NARF: variants seen among roughly 807,000 people sequenced by gnomAD.
The protein encoded by NARF is nuclear prelamin A recognition factor.
Under a neutral mutation model 48.0 loss-of-function variants are expected in NARF, and 41 were observed. The observed-to-expected ratio is 0.85, with a 90% confidence interval of 0.66 to 1.11. NARF has a LOEUF of 1.11. Among genes scored for constraint, NARF ranks in the 50% least tolerant of loss-of-function variants. The pLI, the probability that NARF is intolerant of heterozygous loss-of-function variation, is 0.00. For synonymous variants in NARF, 215 were observed against 225.5 expected, an observed-to-expected ratio of 0.95 and a Z score of 0.42; for missense variants, 613 against 590.2, an observed-to-expected ratio of 1.04 and a Z score of -0.40.
intron 5 of NARF, among the ~76,000 whole-genome samples, chr17:82,474,009 C>A (rs2043776544): frequency 6.6e-6 from 1 of 151,978 alleles, no homozygotes; most frequent in South Asian, 2.1e-4. Flanking sequence ...CATAGTGAGA[C>A]CTCGTCTCTG....
chr17:82,488,612 AT>A lies in NARF; in HGVS notation c.*456del, dbSNP rs2044150056. ...CTGGTATTGAATTCCTGACCTCCTG[AT>A]CCACCCGCCTTGGCCTCCCAAAGTG... is the stretch of plus-strand genomic sequence containing the variant. On this transcript the variant is annotated 3_prime_UTR_variant, in exon 11 of 11. Coordinates refer to ENST00000309794, the MANE Select transcript of NARF (RefSeq NM_012336.4). 6.2e-6 allele frequency: 1 copy of A among 161,642 alleles called. No homozygotes were observed. Among genetic ancestry groups the A allele is most frequent in the African/African-American group, 2.4e-5 (1 of 41,496 alleles). The allele number at this position is 161,642 out of a possible 1,614,324, so 10.0% of individuals were successfully genotyped here. A position where few individuals can be genotyped will look rare whatever the true frequency, so the allele number is the denominator to read the frequency against.
Position 82,484,852 on chromosome 17 carries a change from T to G in NARF, c.873T>G (p.Asp291Glu). 6.2e-7 allele frequency: 1 copy of G among 1,611,040 alleles called. No individual in the cohort carries two copies. Reference protein sequence around the residue: ...DLKEDKVTRHDGASSDGHLAH... With the variant: ...DLKEDKVTRHEGASSDGHLAH... ...AGGAGGACAAAGTGACGCGTCATGA[T>G]GGAGCCAGCTCAGACGGGCACCTGG... is the stretch of plus-strand genomic sequence containing the variant. Residue 291 changes from aspartate (D) to glutamate (E), a missense_variant, in exon 9 of 11, where the codon GAT (aspartate) becomes GAG (glutamate). Asp to Glu is a conservative substitution (Grantham distance 45, BLOSUM62 2). Transcript: ENST00000309794.
chr17:82,464,614 A>T (rs1464036624), intron 3 of NARF, among the ~76,000 whole-genome samples, 184 bp downstream of exon 3: 1 of 152,160 alleles, frequency 6.6e-6, no homozygotes, highest in Non-Finnish European at 1.5e-5. Flanking sequence ...ATCCCCGCAC[A>T]ATTTCCTGCT....
chr17:82,464,370 A>T lies in NARF; in HGVS notation c.192A>T (p.Glu64Asp). The T allele has an allele frequency of 6.2e-7, 1 of 1,614,142 alleles. No homozygotes were observed. Reference sequence around the variant, plus strand: ...GTGACAGCTGTATGACTGCAGAGGAAGGAGTCCAACTTTCCCAGCAAAATG... The same window carrying T: ...GTGACAGCTGTATGACTGCAGAGGATGGAGTCCAACTTTCCCAGCAAAATG... Reference protein sequence around the residue: ...LACDSCMTAEEGVQLSQQNAK... With the variant: ...LACDSCMTAEDGVQLSQQNAK... Residue 64 changes from glutamate to aspartate, a missense_variant, in exon 3 of 11, where the codon GAA (glutamate) becomes GAT (aspartate). Transcript: ENST00000309794.
chr17:82,486,214 G>A (rs532820417), intron 10 of NARF, among the ~76,000 whole-genome samples: 3 of 152,292 alleles, frequency 2.0e-5, no homozygotes, highest in African/African-American at 4.8e-5. Context: ...GCCAGGACAC[G>A]GTGGGGGTCT....
intron 10 of NARF, among the ~76,000 whole-genome samples, chr17:82,486,248 T>A (rs1002598446): frequency 3.3e-5 from 5 of 152,062 alleles, no homozygotes; most frequent in Admixed American, 2.6e-4. Flanking sequence ...GCTGAGGGTG[T>A]GTCAGGGAAG....
rs773990480 is a variant in NARF, at chr17:82,478,969, G to A, written c.639+51G>A. ...GAAGGGCAGGTGAGGGAGGACCATGGCACAGGGGCCCAGGAAGGGGAGGTT... is the reference window on the plus strand; with the variant it reads ...GAAGGGCAGGTGAGGGAGGACCATGACACAGGGGCCCAGGAAGGGGAGGTT... On this transcript the variant is annotated intron_variant, in intron 6 of 10. Coordinates refer to ENST00000309794, the MANE Select transcript of NARF (RefSeq NM_012336.4). 3 of 1,546,932 alleles carry A rather than the reference G, an allele frequency of 1.9e-6. No individual in the cohort carries two copies. The African/African-American group carries it at 4.1e-5, about 21-fold the overall frequency.
chr17:82,486,693 G>C (rs897742517), intron 10 of NARF, among the ~76,000 whole-genome samples: 1 of 152,162 alleles, frequency 6.6e-6, no homozygotes, highest in Non-Finnish European at 1.5e-5. Flanking sequence ...GTGTGCAAGC[G>C]GGTGGAGCTG....
chr17:82,470,773 G>C (rs959329689), intron 4 of NARF, among the ~76,000 whole-genome samples: 1 of 152,018 alleles, frequency 6.6e-6, no homozygotes, highest in African/African-American at 2.4e-5. Context: ...GGATTCCAGG[G>C]GTGAGCCACC....
upstream of NARF, chr17:82,458,611 G>C: frequency 1.5e-6 from 1 of 653,116 alleles, no homozygotes; most frequent in Non-Finnish European, 2.3e-6. Flanking sequence ...AAGCCGTAAG[G>C]GTGGGGAATC....
At chr17:82,479,017 C>T (rs1281156357) in intron 6 of NARF, 99 bp downstream of exon 6, 6 of 1,152,232 alleles carry the variant, frequency 5.2e-6, no homozygotes, top group Admixed American at 4.7e-5. Flanking sequence ...AGCGTGGTCA[C>T]GGCCCCCCAG....
intron 6 of NARF, chr17:82,480,843 A>G (rs1425035298): frequency 1.8e-6 from 1 of 544,072 alleles, no homozygotes; most frequent in African/African-American, 1.9e-5. Context: ...GAGGCAGGAG[A>G]ATCGCTTGAA....
chr17:82,483,063 A>G lies in NARF; in HGVS notation c.770-653A>G, dbSNP rs62080974. 5.4e-3 allele frequency: 836 copies of G among 154,456 alleles called. 5 individuals are homozygous for G. Among genetic ancestry groups the G allele is most frequent in the Middle Eastern group, 0.013 (4 of 310 alleles). The allele number at this position is 154,456 out of a possible 1,614,324, so 9.6% of individuals were successfully genotyped here. On this transcript the variant is annotated intron_variant, in intron 7 of 10. Coordinates refer to ENST00000309794, the MANE Select transcript of NARF (RefSeq NM_012336.4). ...CTGGGTGCAGTGGCTGACACGTGTA[A>G]TCCCAGCACTTCAGGAGGCTGAGGC... is the stretch of plus-strand genomic sequence containing the variant.
At chr17:82,472,951 T>A (rs764241297) in intron 5 of NARF, among the ~76,000 whole-genome samples, 29 of 152,062 alleles carry the variant, frequency 1.9e-4, no homozygotes, top group Non-Finnish European at 2.9e-4. Context: ...TTTTATTATT[T>A]TTTTTTTGAG....
intron 3 of NARF, among the ~76,000 whole-genome samples, chr17:82,467,376 A>G (rs889177434): frequency 3.9e-5 from 6 of 152,096 alleles, no homozygotes; most frequent in African/African-American, 7.2e-5. Context: ...CCTGTCTTCT[A>G]TTGCGCTGCC....
chr17:82,477,302 G>T (rs71370223), intron 5 of NARF, among the ~76,000 whole-genome samples: 1 of 151,654 alleles, frequency 6.6e-6, no homozygotes, highest in Non-Finnish European at 1.5e-5. Context: ...TCAAGAGTTC[G>T]AGACCAGCCT....
At chr17:82,468,244 G>A (rs2143855759) in intron 3 of NARF, among the ~76,000 whole-genome samples, 2 of 151,970 alleles carry the variant, frequency 1.3e-5, no homozygotes, top group Middle Eastern at 6.8e-3. Flanking sequence ...CTGGGAGGCA[G>A]AAGTTGCAGC....
chr17:82,460,160 A>T, intron 2 of NARF, 88 bp downstream of exon 2: 1 of 1,164,446 alleles, frequency 8.6e-7, no homozygotes, highest in East Asian at 2.5e-5. Flanking sequence ...CGTGCACATC[A>T]CTGCTTTAAA....
intron 5 of NARF, among the ~76,000 whole-genome samples, chr17:82,475,352 G>A (rs1383943615): frequency 6.6e-6 from 1 of 152,226 alleles, no homozygotes; most frequent in Non-Finnish European, 1.5e-5. Flanking sequence ...TGTAATCCCA[G>A]CACTTTGGGA....
Sources: gnomAD v4.1 joint callset for allele counts (sites outside exome capture counted in the v4.1 genomes callset) on GRCh38, gnomAD v4.1.1 for gene constraint, MANE v1.5 for transcripts, NCBI Gene and HGNC (gene_info 2026-07-23, HGNC 2026-07-21) for gene names.